Variants in SDK1 observed in about 807,000 individuals in gnomAD.
SDK1 encodes protein sidekick-1.
A neutral mutation model predicts 245.5 loss-of-function variants in SDK1; 157 were observed. The observed-to-expected ratio is 0.64, with a 90% CI of 0.56 to 0.73. The LOEUF is 0.73. Ranked by LOEUF, SDK1 falls within the 30% of genes least tolerant of loss-of-function variation. The probability of loss-of-function intolerance (pLI) is 0.00; values close to 1 mark genes in which losing one functional copy is unlikely to be tolerated. For synonymous variants in SDK1, 1,647 were observed against 1,278.5 expected, an observed-to-expected ratio of 1.29 and a Z score of -6.15; for missense variants, 3,583 against 3,002.3, an observed-to-expected ratio of 1.19 and a Z score of -4.52.
intron 1 of SDK1, among the ~76,000 whole-genome samples, chr7:3,463,442 C>G (rs575015834): frequency 6.6e-6 from 1 of 152,162 alleles, no homozygotes; most frequent in African/African-American, 2.4e-5. Flanking sequence ...CTTGGACAAG[C>G]TTTTATAGAG....
intron 1 of SDK1, among the ~76,000 whole-genome samples, chr7:3,618,578 C>G (rs187474218): frequency 2.0e-5 from 3 of 152,270 alleles, no homozygotes; most frequent in South Asian, 2.1e-4. Flanking sequence ...TGAAAGTCAC[C>G]AGGAGAGACC....
chr7:3,394,145 T>C (rs10274978), intron 1 of SDK1, among the ~76,000 whole-genome samples: 68,518 of 151,788 alleles, frequency 0.45, 17,542 homozygotes, highest in East Asian at 0.61. Flanking sequence ...GACAGAGATA[T>C]TGTTCTCCTC....
intron 19 of SDK1, among the ~76,000 whole-genome samples, chr7:4,063,181 A>G (rs967689934): frequency 6.6e-6 from 1 of 152,228 alleles, no homozygotes; most frequent in Admixed American, 6.5e-5. Context: ...TGCAGATGAC[A>G]TGATCTTGTG....
At chr7:4,226,357 C>G (rs1414889491) in intron 40 of SDK1, among the ~76,000 whole-genome samples, 1 of 152,158 alleles carries the variant, frequency 6.6e-6, no homozygotes, top group African/African-American at 2.4e-5. Flanking sequence ...CTACCTTGCC[C>G]CTGGGAGACA....
intron 39 of SDK1, among the ~76,000 whole-genome samples, chr7:4,220,770 TTTG>T (rs1028467273): frequency 6.6e-6 from 1 of 151,502 alleles, no homozygotes; most frequent in Admixed American, 6.6e-5. Context: ...TTCAGGTTTT[TTTG>T]TTGTTGTTTG....
At chr7:4,204,859 G>A (rs1032737117) in intron 35 of SDK1, among the ~76,000 whole-genome samples, 2 of 143,262 alleles carry the variant, frequency 1.4e-5, no homozygotes, top group Non-Finnish European at 3.0e-5. Context: ...GAGAAAGTGC[G>A]CAGCGTGGAA....
intron 1 of SDK1, among the ~76,000 whole-genome samples, chr7:3,346,827 A>ATATATATTTTTTTTT (rs1228887289): frequency 6.1e-5 from 1 of 16,388 alleles, no homozygotes; most frequent in East Asian, 2.2e-3. Context: ...ATATATATAT[A>ATATATATTTTTTTTT]TTTTTTTTTT....
At chr7:4,219,114 G>A (rs1025009941) in intron 38 of SDK1, among the ~76,000 whole-genome samples, 4 of 152,090 alleles carry the variant, frequency 2.6e-5, no homozygotes, top group South Asian at 2.1e-4. Flanking sequence ...TGTTGCCATC[G>A]TCCTCTGAAT....
At chr7:3,854,369 G>T (rs747935658) in intron 5 of SDK1, among the ~76,000 whole-genome samples, 13 of 152,266 alleles carry the variant, frequency 8.5e-5, no homozygotes, top group Non-Finnish European at 1.8e-4. Flanking sequence ...GAGTATGTGT[G>T]CAGATTAAAT....
intron 1 of SDK1, among the ~76,000 whole-genome samples, chr7:3,541,866 G>A (rs892614797): frequency 3.2e-4 from 48 of 152,234 alleles, no homozygotes; most frequent in African/African-American, 9.6e-4. Flanking sequence ...GCCCTCTTAT[G>A]TTTTGTTATG....
At chr7:3,369,109 A>C (rs550036737) in intron 1 of SDK1, among the ~76,000 whole-genome samples, 1 of 151,368 alleles carries the variant, frequency 6.6e-6, no homozygotes, top group Non-Finnish European at 1.5e-5. Context: ...CAATGGTGTG[A>C]TATTGGCTCA....
At position 3,642,114 on chromosome 7, in the gene SDK1, C is replaced by T. The variant is rs1187565999; in HGVS notation, c.713+9C>T. 1.2e-6 allele frequency: 2 copies of T among 1,613,318 alleles called. No individual in the cohort carries two copies. The highest frequency in any genetic ancestry group is 1.6e-4 in the Middle Eastern group (1 of 6,080). ...ATTCCAAGCAACAGAATGTAAGTTG[C>T]TCCAAACGTTAAAGCTTCAAATACA... is the stretch of plus-strand genomic sequence containing the variant. On this transcript the variant is annotated intron_variant, in intron 4 of 44. Coordinates refer to ENST00000404826, the MANE Select transcript of SDK1 (RefSeq NM_152744.4).
intron 5 of SDK1, among the ~76,000 whole-genome samples, chr7:3,945,889 ACT>A (rs1382239989): frequency 3.7e-5 from 4 of 107,404 alleles, no homozygotes; most frequent in South Asian, 3.7e-4. Context: ...ACAGAGCAAG[ACT>A]CTGTCTGTAA....
chr7:3,417,734 A>G (rs1039479085), intron 1 of SDK1, among the ~76,000 whole-genome samples: 2 of 152,108 alleles, frequency 1.3e-5, no homozygotes, highest in Non-Finnish European at 1.5e-5. Context: ...AGAGCTGGGC[A>G]CTCATATTTG....
intron 1 of SDK1, among the ~76,000 whole-genome samples, chr7:3,361,511 A>T (rs1403780174): frequency 6.6e-6 from 1 of 151,916 alleles, no homozygotes; most frequent in Non-Finnish European, 1.5e-5. Flanking sequence ...TTCGTTTCCC[A>T]CATCTTCTCT....
chr7:3,423,381 T>G (rs532448263), intron 1 of SDK1, among the ~76,000 whole-genome samples: 55 of 152,348 alleles, frequency 3.6e-4, no homozygotes, highest in African/African-American at 1.3e-3. Context: ...TTGAGCAGAT[T>G]GGCTGAGCAG....
At chr7:4,154,398 G>T (rs1223020093) in intron 30 of SDK1, among the ~76,000 whole-genome samples, 1 of 152,218 alleles carries the variant, frequency 6.6e-6, no homozygotes, top group African/African-American at 2.4e-5. Flanking sequence ...TTAGATGGCA[G>T]ATGTTATCTC....
intron 4 of SDK1, among the ~76,000 whole-genome samples, chr7:3,674,378 G>A (rs1419386442): frequency 6.6e-6 from 1 of 152,078 alleles, no homozygotes; most frequent in Non-Finnish European, 1.5e-5. Flanking sequence ...CCTAGAGAGG[G>A]CTGCTAGGGC....
rs977884110 is a variant in SDK1 at position 3,997,178 on chromosome 7, G to A, written c.2131+9856G>A. On this transcript the variant is annotated intron_variant, in intron 14 of 44. Transcript: ENST00000404826. Reference sequence around the variant, plus strand: ...ATTGTTACGGGATCTTTGGAGTGTCGCTTTTCCAGCCAGAAACCTCTGTGG... The same window carrying A: ...ATTGTTACGGGATCTTTGGAGTGTCACTTTTCCAGCCAGAAACCTCTGTGG... Among the ~76,000 whole-genome samples, 8 of 152,254 alleles carry A rather than the reference G, an allele frequency of 5.3e-5. No homozygotes were observed. The East Asian group carries it at 7.7e-4, about 15-fold the overall frequency.
Sources: allele counts gnomAD v4.1 joint callset (sites outside exome capture counted in the v4.1 genomes callset), GRCh38; gene constraint gnomAD v4.1.1; transcripts MANE v1.5; gene names NCBI Gene and HGNC (gene_info 2026-07-23, HGNC 2026-07-21).